The following XYLT1 variants were observed in gnomAD, a reference collection of about 807,000 sequenced individuals.
The protein encoded by XYLT1 is beta-D-xylosyltransferase 1.
Under a neutral mutation model 91.3 loss-of-function variants are expected in XYLT1, and 36 were observed. The ratio of observed to expected loss-of-function variants is 0.39; its 90% CI spans 0.30 to 0.52. The LOEUF is 0.52. XYLT1 is among the 20% of genes least tolerant of loss of function. XYLT1 has a pLI of 0.68. For synonymous variants in XYLT1, 588 were observed against 532.0 expected (o/e 1.11, Z -1.45); for missense variants, 1,242 against 1,284.5 (o/e 0.97, Z 0.51).
chr16:17,439,205 C>T (rs987817183), intron 1 of XYLT1, among the ~76,000 whole-genome samples: 1 of 152,178 alleles, frequency 6.6e-6, no homozygotes, highest in South Asian at 2.1e-4. Flanking sequence ...TTTCTTCCTC[C>T]TGCATCCATG....
At chr16:17,202,339 G>A (rs929585822) in intron 3 of XYLT1, among the ~76,000 whole-genome samples, 22 of 152,190 alleles carry the variant, frequency 1.4e-4, no homozygotes, top group African/African-American at 5.1e-4. Flanking sequence ...CTGAATGAAC[G>A]AGGCTCTTTC....
intron 6 of XYLT1, among the ~76,000 whole-genome samples, chr16:17,152,287 ATG>A (rs1446901663): frequency 6.6e-6 from 1 of 152,238 alleles, no homozygotes; most frequent in Non-Finnish European, 1.5e-5. Context: ...CCAGGGAGGT[ATG>A]TGTGTGCAGT....
intron 5 of XYLT1, among the ~76,000 whole-genome samples, chr16:17,161,774 G>A (rs111503283): frequency 4.0e-5 from 6 of 151,152 alleles, no homozygotes; most frequent in Non-Finnish European, 8.8e-5. Flanking sequence ...TTCATCTCTT[G>A]TATCTATCTC....
intron 2 of XYLT1, among the ~76,000 whole-genome samples, chr16:17,332,567 T>TACACACACACACACACACAC (rs60919228): frequency 7.3e-6 from 1 of 137,902 alleles, no homozygotes; most frequent in African/African-American, 2.7e-5. Flanking sequence ...ATCACACACA[T>TACACACACACACACACACAC]ACACACACAC....
intron 1 of XYLT1, among the ~76,000 whole-genome samples, chr16:17,428,231 G>A (rs569371755): frequency 6.2e-4 from 95 of 152,192 alleles, no homozygotes; most frequent in Non-Finnish European, 1.1e-3. Context: ...TGATCTGCCC[G>A]CCTCAGCCTC....
chr16:17,187,131 C>G (rs1034640111), intron 5 of XYLT1, among the ~76,000 whole-genome samples: 9 of 152,060 alleles, frequency 5.9e-5, no homozygotes, highest in African/African-American at 2.2e-4. Flanking sequence ...GTGGCTCATG[C>G]CTGTAATCCC....
At chr16:17,453,941 T>TAGA (rs1249179759) in intron 1 of XYLT1, among the ~76,000 whole-genome samples, 2 of 152,210 alleles carry the variant, frequency 1.3e-5, no homozygotes, top group Non-Finnish European at 2.9e-5. Context: ...CCCAACAGCC[T>TAGA]AGAAGGGACT....
intron 5 of XYLT1, among the ~76,000 whole-genome samples, chr16:17,195,531 C>T (rs147856724): frequency 2.1e-3 from 327 of 152,142 alleles, no homozygotes; most frequent in Non-Finnish European, 3.7e-3. Context: ...CTACAACCTC[C>T]ACCTCCTGGG....
intron 2 of XYLT1, among the ~76,000 whole-genome samples, chr16:17,315,311 C>T (rs528526513): frequency 1.2e-4 from 19 of 152,340 alleles, no homozygotes; most frequent in Non-Finnish European, 5.9e-5. Flanking sequence ...TGCTCTTTGT[C>T]ACCTTGTGCA....
chr16:17,140,033 A>C (rs1408731077), intron 7 of XYLT1, among the ~76,000 whole-genome samples: 1 of 152,144 alleles, frequency 6.6e-6, no homozygotes. Flanking sequence ...CTCAATAGAA[A>C]CGGAACCAGC....
At chr16:17,436,222 T>A (rs1290645517) in intron 1 of XYLT1, among the ~76,000 whole-genome samples, 1 of 152,196 alleles carries the variant, frequency 6.6e-6, no homozygotes, top group African/African-American at 2.4e-5. Flanking sequence ...CTTTCCTTTA[T>A]AAATTACTCA....
intron 1 of XYLT1, among the ~76,000 whole-genome samples, chr16:17,427,724 C>T (rs2036337326): frequency 6.6e-6 from 1 of 152,214 alleles, no homozygotes; most frequent in South Asian, 2.1e-4. Flanking sequence ...AAAAGACTCA[C>T]TGTTTCTTCT....
chr16:17,442,261 T>C (rs185848419), intron 1 of XYLT1, among the ~76,000 whole-genome samples: 1 of 152,210 alleles, frequency 6.6e-6, no homozygotes, highest in African/African-American at 2.4e-5. Context: ...TGTATGCGTG[T>C]GTCTCATATA....
chr16:17,398,827 C>CCCCA (rs1222374821), intron 1 of XYLT1, among the ~76,000 whole-genome samples: 1 of 34,788 alleles, frequency 2.9e-5, no homozygotes, highest in African/African-American at 1.2e-4. Flanking sequence ...CGCCCCCCCC[C>CCCCA]ACTGTTTTTT....
At position 17,470,890 on chromosome 16, in the gene XYLT1, G is replaced by T; in HGVS notation, c.-94C>A. 1.2e-6 allele frequency: 1 copy of T among 807,240 alleles called. No individual in the cohort carries two copies. Among genetic ancestry groups the T allele is most frequent in the Non-Finnish European group, 1.4e-6 (1 of 737,442 alleles). The allele number at this position is 807,240 out of a possible 1,614,324, so 50.0% of individuals were successfully genotyped here. On this transcript the variant is annotated 5_prime_UTR_variant, in exon 1 of 12. Transcript: ENST00000261381. ...GCAGCTCCCGCGGCCGCCGGCTGCC[G>T]CTCGGGCTCCCGCTCGGGCCGCCGC... is the stretch of plus-strand genomic sequence containing the variant.
At chr16:17,148,027 T>C (rs2031181912) in intron 6 of XYLT1, among the ~76,000 whole-genome samples, 1 of 152,238 alleles carries the variant, frequency 6.6e-6, no homozygotes, top group African/African-American at 2.4e-5. Flanking sequence ...CAAACAGACA[T>C]TGGGTGATCT....
At chr16:17,283,361 G>A (rs2034085824) in intron 2 of XYLT1, among the ~76,000 whole-genome samples, 1 of 152,132 alleles carries the variant, frequency 6.6e-6, no homozygotes, top group African/African-American at 2.4e-5. Context: ...AGACACAAAG[G>A]GAAGCTGGCC....
chr16:17,108,245 G>C lies in XYLT1; in HGVS notation c.*450C>G, dbSNP rs1278518216. The stretch of plus-strand genomic sequence containing the variant: ...ATACCCTGGGCAAGGGGACCGCCCA[G>C]AGGGCTGAGCTTTGGGAGGGAACCT... On this transcript the variant is annotated 3_prime_UTR_variant, in exon 12 of 12. Coordinates refer to ENST00000261381, the MANE Select transcript of XYLT1 (RefSeq NM_022166.4). 1 of 156,730 alleles carries C rather than the reference G, an allele frequency of 6.4e-6. No individual in the cohort carries two copies. Among genetic ancestry groups the C allele is most frequent in the Non-Finnish European group, 1.4e-5 (1 of 70,992 alleles). 9.7% of individuals were successfully genotyped at this position (156,730 alleles called of 1,614,324 possible).
At chr16:17,390,422 A>G (rs1176655416) in intron 1 of XYLT1, among the ~76,000 whole-genome samples, 1 of 152,238 alleles carries the variant, frequency 6.6e-6, no homozygotes, top group Non-Finnish European at 1.5e-5. Flanking sequence ...AGCATGGAGG[A>G]GGCACCTTCA....
Sources: gnomAD v4.1 joint callset for allele counts (sites outside exome capture counted in the v4.1 genomes callset) on GRCh38, gnomAD v4.1.1 for gene constraint, MANE v1.5 for transcripts, NCBI Gene and HGNC (gene_info 2026-07-23, HGNC 2026-07-21) for gene names.